MYO1E: variants seen among roughly 807,000 people sequenced by gnomAD.
MYO1E encodes unconventional myosin-Ie.
MYO1E carries 68 observed loss-of-function variants against 151.1 expected under a neutral mutation model. The observed-to-expected ratio is 0.45, with a 90% CI of 0.37 to 0.55. MYO1E has a LOEUF of 0.55. Ranked by LOEUF, MYO1E falls within the 20% of genes least tolerant of loss-of-function variation. The pLI, the probability that MYO1E is intolerant of heterozygous loss-of-function variation, is 0.00. For missense variants in MYO1E, 1,363 were observed against 1,389.3 expected, an observed-to-expected ratio of 0.98 and a Z score of 0.30; for synonymous variants, 601 against 501.7, an observed-to-expected ratio of 1.20 and a Z score of -2.64.
rs1453092516 is a variant in MYO1E at position 59,372,088 on chromosome 15, G to A, written c.3+410C>T. ...GCGGGGCGGGCACGGCCGCGGGGAGGGCAGGGGACGCCGCCAGCGGCTGCG... is the reference window on the plus strand; with the variant it reads ...GCGGGGCGGGCACGGCCGCGGGGAGAGCAGGGGACGCCGCCAGCGGCTGCG... On this transcript the variant is annotated intron_variant, in intron 1 of 27. Coordinates refer to ENST00000288235, the MANE Select transcript of MYO1E (RefSeq NM_004998.4). Among the ~76,000 whole-genome samples the A allele has an allele frequency of 1.3e-3, 201 of 149,988 alleles. 3 individuals are homozygous for A. The highest frequency in any genetic ancestry group is 2.2e-4 in the Non-Finnish European group (15 of 66,698).
At chr15:59,213,293 CCT>C (rs1283991890) in intron 12 of MYO1E, among the ~76,000 whole-genome samples, 2 of 151,938 alleles carry the variant, frequency 1.3e-5, no homozygotes, top group Non-Finnish European at 2.9e-5. Flanking sequence ...GCCTCAGCCC[CCT>C]GAGTAGCTGG....
intron 1 of MYO1E, among the ~76,000 whole-genome samples, chr15:59,284,545 GCTCAATT>G (rs1486860888): frequency 1.3e-5 from 2 of 151,604 alleles, no homozygotes; most frequent in African/African-American, 4.9e-5. Context: ...AACCTCCAGG[GCTCAATT>G]AATCCTCCCT....
intron 4 of MYO1E, among the ~76,000 whole-genome samples, chr15:59,241,574 G>A (rs2080099846): frequency 6.6e-6 from 1 of 152,064 alleles, no homozygotes; most frequent in African/African-American, 2.4e-5. Context: ...GTGGTGGCAT[G>A]CGCCTGTAGT....
chr15:59,147,708 C>T (rs1253819009), intron 26 of MYO1E, among the ~76,000 whole-genome samples: 1 of 151,888 alleles, frequency 6.6e-6, no homozygotes. Context: ...AAATGAGGCT[C>T]TCATGTCTAG....
At chr15:59,252,840 C>T (rs751453373) in intron 4 of MYO1E, among the ~76,000 whole-genome samples, 4 of 152,104 alleles carry the variant, frequency 2.6e-5, no homozygotes, top group African/African-American at 4.8e-5. Flanking sequence ...GAGCTGAGAT[C>T]ACACCACTGC....
chr15:59,218,203 C>T (rs1401766786), intron 9 of MYO1E, 116 bp from the exon 10 acceptor site: 2 of 1,221,932 alleles, frequency 1.6e-6, no homozygotes, highest in Admixed American at 1.9e-5. Context: ...ATAGAAGGCA[C>T]AATCACGGGC....
At chr15:59,296,933 G>C (rs555620085) in intron 1 of MYO1E, among the ~76,000 whole-genome samples, 1 of 139,382 alleles carries the variant, frequency 7.2e-6, no homozygotes, top group East Asian at 2.1e-4. Flanking sequence ...TCCGCCTCCC[G>C]GGTTCACGCC....
chr15:59,176,968 T>C (rs1288204778), intron 19 of MYO1E, among the ~76,000 whole-genome samples: 3 of 152,138 alleles, frequency 2.0e-5, no homozygotes, highest in Non-Finnish European at 4.4e-5. Flanking sequence ...TGATTTTGAA[T>C]ATAACCCCCT....
rs779180252 is a variant in MYO1E, at chr15:59,207,914, T to C, written c.1530+767A>G. On this transcript the variant is annotated intron_variant, in intron 14 of 27. Transcript: ENST00000288235. ...AGGAGAATACATCCAGTTTCCACCA[T>C]AATTAAGGGCCTCTATGGAATAGAT... is the stretch of plus-strand genomic sequence containing the variant. The C allele has an allele frequency of 5.6e-6, 9 of 1,614,066 alleles. No individual in the cohort carries two copies. The South Asian group carries it at 8.8e-5, about 16-fold the overall frequency.
Position 59,164,570 on chromosome 15 carries a change from A to G in MYO1E, c.2481-1267T>C, listed in dbSNP as rs1273926532. On this transcript the variant is annotated intron_variant, in intron 22 of 27. Transcript: ENST00000288235. ...CAGATGATGAGGCAAGGGGATCACA[A>G]GAGGACTGAGCTGTGGAGAATCTTT... Among the ~76,000 whole-genome samples the G allele has an allele frequency of 3.3e-5, 5 of 152,204 alleles. No homozygotes were observed. In the East Asian group the frequency reaches 9.6e-4, roughly 29 times the overall value.
intron 25 of MYO1E, among the ~76,000 whole-genome samples, chr15:59,157,763 A>T (rs1288675658): frequency 6.6e-6 from 1 of 152,242 alleles, no homozygotes; most frequent in Non-Finnish European, 1.5e-5. Flanking sequence ...ACAGAAAAAA[A>T]TTTCTGCTGG....
At chr15:59,247,207 T>TA (rs2080135665) in intron 4 of MYO1E, among the ~76,000 whole-genome samples, 1 of 152,004 alleles carries the variant, frequency 6.6e-6, no homozygotes, top group African/African-American at 2.4e-5. Context: ...AAAACTAAAA[T>TA]AAAAAAGCAC....
At chr15:59,371,278 G>T (rs138416232) in intron 1 of MYO1E, among the ~76,000 whole-genome samples, 1 of 152,048 alleles carries the variant, frequency 6.6e-6, no homozygotes, top group Non-Finnish European at 1.5e-5. Context: ...CCGGGATATC[G>T]ATTTTTTAAT....
chr15:59,364,231 G>A (rs747961114), intron 1 of MYO1E, among the ~76,000 whole-genome samples: 9 of 152,194 alleles, frequency 5.9e-5, no homozygotes, highest in Non-Finnish European at 1.0e-4. Context: ...GTACCCACTG[G>A]TGTCACATAT....
At chr15:59,189,600 A>C (rs769162550) in intron 17 of MYO1E, among the ~76,000 whole-genome samples, 1 of 151,888 alleles carries the variant, frequency 6.6e-6, no homozygotes, top group African/African-American at 2.4e-5. Context: ...CTTGAGACAG[A>C]GTCTTGCTTT....
At chr15:59,266,973 T>C (rs1174892415) in intron 2 of MYO1E, 1 of 152,094 alleles carries the variant, frequency 6.6e-6, no homozygotes, top group Non-Finnish European at 1.5e-5. Flanking sequence ...AAATGTTTGT[T>C]TTTAATAGTC....
intron 11 of MYO1E, 92 bp from the exon 12 acceptor site, chr15:59,214,406 A>C: frequency 9.6e-7 from 1 of 1,036,550 alleles, no homozygotes. Context: ...TTCATGTGAA[A>C]AGCTTTAATA....
chr15:59,250,022 G>C (rs1472545816), intron 4 of MYO1E, among the ~76,000 whole-genome samples: 3 of 152,204 alleles, frequency 2.0e-5, no homozygotes, highest in African/African-American at 7.2e-5. Context: ...GGTCAGGTGA[G>C]CATGAACCAC....
intron 26 of MYO1E, among the ~76,000 whole-genome samples, chr15:59,148,870 T>G (rs2079457401): frequency 6.6e-6 from 1 of 152,020 alleles, no homozygotes; most frequent in Non-Finnish European, 1.5e-5. Flanking sequence ...GAAGTTATCC[T>G]CCCACAAAAT....
Sources: allele counts gnomAD v4.1 joint callset (sites outside exome capture counted in the v4.1 genomes callset), GRCh38; gene constraint gnomAD v4.1.1; transcripts MANE v1.5; gene names NCBI Gene and HGNC (gene_info 2026-07-23, HGNC 2026-07-21).